The following PRAC2 variants were observed in gnomAD, a reference collection of about 807,000 sequenced individuals.
PRAC2 encodes the protein protein PRAC2.
For synonymous variants in PRAC2, 43 were observed against 49.5 expected, an observed-to-expected ratio of 0.87 and a Z score of 0.55; for missense variants, 92 against 114.5, an observed-to-expected ratio of 0.80 and a Z score of 0.90.
chr17:48,724,128 C>T (rs1442420135), intron 1 of PRAC2, among the ~76,000 whole-genome samples, 200 bp from the exon 2 acceptor site: 1 of 152,214 alleles, frequency 6.6e-6, no homozygotes, highest in Non-Finnish European at 1.5e-5. Flanking sequence ...AAAACATTTC[C>T]TCCTGTAGCT....
chr17:48,721,234 G>A (rs2038142001), upstream of PRAC2, among the ~76,000 whole-genome samples: 1 of 152,204 alleles, frequency 6.6e-6, no homozygotes, highest in African/African-American at 2.4e-5. Context: ...GCCTGCTGTG[G>A]CATTGATCCC....
intron 1 of PRAC2, chr17:48,723,911 TGA>T: frequency 1.6e-6 from 1 of 624,920 alleles, no homozygotes; most frequent in Non-Finnish European, 2.3e-6. Context: ...CGTAGCTTGC[TGA>T]GAGATTCGCT....
At chr17:48,719,108 C>T (rs1237401353), upstream of PRAC2, among the ~76,000 whole-genome samples, 1 of 152,176 alleles carries the variant, frequency 6.6e-6, no homozygotes, top group Non-Finnish European at 1.5e-5. Flanking sequence ...TCACCTTCGA[C>T]TGGATGTTAC....
chr17:48,724,366 G>A lies in PRAC2; in HGVS notation c.-45G>A, dbSNP rs1045118150. ...AAATCCGAAAAAAAGTGTGTGTGGG[G>A]GGGTCCACACCACTAATTATTATGG... On this transcript the variant is annotated 5_prime_UTR_variant, in exon 2 of 2. Coordinates refer to ENST00000422730, the MANE Select transcript of PRAC2 (RefSeq NM_001282275.2). 9 of 1,234,166 alleles carry A rather than the reference G, an allele frequency of 7.3e-6. No homozygotes were observed. The African/African-American group carries it at 1.2e-4, about 17-fold the overall frequency. The allele number at this position is 1,234,166 out of a possible 1,614,324, so 76.5% of individuals were successfully genotyped here. A position where few individuals can be genotyped will look rare whatever the true frequency, so the allele number is the denominator to read the frequency against.
chr17:48,722,219 G>T, upstream of PRAC2: 1 of 1,015,756 alleles, frequency 9.8e-7, no homozygotes, highest in Non-Finnish European at 1.5e-6. Context: ...ACTTCTGAAG[G>T]CTCCCAAATT....
upstream of PRAC2, chr17:48,721,862 C>T (rs991816688): frequency 6.5e-7 from 1 of 1,540,980 alleles, no homozygotes. Context: ...GCCATCACTC[C>T]TGGTCTCGCC....
At chr17:48,719,125 A>G (rs1485347462), upstream of PRAC2, among the ~76,000 whole-genome samples, 3 of 152,152 alleles carry the variant, frequency 2.0e-5, no homozygotes, top group Non-Finnish European at 2.9e-5. Flanking sequence ...TTACCGAGCC[A>G]GGGAGAGACC....
chr17:48,719,333 G>A (rs562352461), upstream of PRAC2, among the ~76,000 whole-genome samples: 10 of 152,310 alleles, frequency 6.6e-5, no homozygotes, highest in African/African-American at 2.2e-4. Flanking sequence ...CCGGTTTCCC[G>A]GGTCGGATGG....
upstream of PRAC2, chr17:48,721,906 T>C: frequency 6.0e-6 from 9 of 1,502,826 alleles, no homozygotes; most frequent in Non-Finnish European, 8.0e-6. Flanking sequence ...TTTTCTAAAA[T>C]ATTTTACAAT....
At chr17:48,723,466 G>C (rs1422238981) in intron 1 of PRAC2, among the ~76,000 whole-genome samples, 153 bp downstream of exon 1, 13 of 152,152 alleles carry the variant, frequency 8.5e-5, no homozygotes, top group Non-Finnish European at 1.5e-5. Flanking sequence ...TGAAGGGGGG[G>C]AGGGGAGCTG....
At chr17:48,718,763 T>A (rs1419850019), upstream of PRAC2, among the ~76,000 whole-genome samples, 2 of 151,900 alleles carry the variant, frequency 1.3e-5, no homozygotes, top group Admixed American at 1.3e-4. Context: ...GGATCGCAAG[T>A]TGAGGAGGAG....
intron 1 of PRAC2, 104 bp downstream of exon 1, chr17:48,723,417 A>G (rs2038167333): frequency 9.5e-6 from 3 of 316,386 alleles, no homozygotes; most frequent in South Asian, 1.6e-4. Flanking sequence ...AGGAAACCCA[A>G]TTAGAGTGCA....
At chr17:48,722,789 A>C (rs1031496063), upstream of PRAC2, among the ~76,000 whole-genome samples, 1 of 151,806 alleles carries the variant, frequency 6.6e-6, no homozygotes, top group Non-Finnish European at 1.5e-5. Flanking sequence ...CCCTCTTCCC[A>C]TAAAACTTTT....
chr17:48,722,183 T>A, upstream of PRAC2: 3 of 777,322 alleles, frequency 3.9e-6, no homozygotes. Context: ...GAAAGCCTGC[T>A]GCTCACCCTT....
upstream of PRAC2, chr17:48,721,759 G>T (rs1029208770): frequency 4.1e-6 from 6 of 1,455,958 alleles, no homozygotes; most frequent in African/African-American, 8.7e-5. Context: ...AATAGAGACA[G>T]CGTCTTGCTA....
At chr17:48,722,281 T>G (rs200185376), upstream of PRAC2, 1 of 1,549,980 alleles carries the variant, frequency 6.5e-7, no homozygotes, top group East Asian at 2.2e-5. Flanking sequence ...TACTGAGCGA[T>G]CCGTCGATAA....
chr17:48,723,461 G>C (rs143482686), intron 1 of PRAC2, 148 bp downstream of exon 1: 3,900 of 381,596 alleles, frequency 0.01, 32 homozygotes, highest in Admixed American at 0.019. Flanking sequence ...TTTAATGAAG[G>C]GGGGGAGGGG....
At position 48,724,432 on chromosome 17, in the gene PRAC2, C is replaced by T. The variant is rs1597930238; in HGVS notation, c.22C>T (p.Leu8=). 1 of 1,234,318 alleles carries T rather than the reference C, an allele frequency of 8.1e-7. No homozygotes were observed. The highest frequency in any genetic ancestry group is 1.0e-6 in the Non-Finnish European group (1 of 988,152). 76.5% of individuals were successfully genotyped at this position (1,234,318 alleles called of 1,614,324 possible). The change falls in exon 2 of 2, where the codon CTG becomes TTG. Residue 8 remains leucine, a synonymous_variant. Transcript: ENST00000422730. MDRRRMA[L]RPGSRRPTAF... The stretch of plus-strand genomic sequence containing the variant: ...AGACATGGACAGAAGGCGGATGGCT[C>T]TGCGGCCTGGCTCCCGCAGACCGAC...
intron 1 of PRAC2, chr17:48,723,696 A>C: frequency 1.6e-6 from 2 of 1,231,626 alleles, no homozygotes; most frequent in Non-Finnish European, 2.0e-6. Flanking sequence ...CCGGAGTAAA[A>C]CCCGAAAGAT....
Sources: allele counts gnomAD v4.1 joint callset (sites outside exome capture counted in the v4.1 genomes callset), GRCh38; gene constraint gnomAD v4.1.1; transcripts MANE v1.5; gene names NCBI Gene and HGNC (gene_info 2026-07-23, HGNC 2026-07-21).